PRDM16: variants seen among roughly 807,000 people sequenced by gnomAD.
The protein encoded by PRDM16 is PR/SET domain 16.
In PRDM16, 23 loss-of-function variants were observed where a neutral mutation model predicts 110.6. That is an observed-to-expected ratio of 0.21 (90% CI 0.15 to 0.29). The LOEUF is 0.29. PRDM16 is among the 10% of genes least tolerant of loss of function. The pLI, the probability that PRDM16 is intolerant of heterozygous loss-of-function variation, is 1.00. For synonymous variants in PRDM16, 799 were observed against 781.8 expected (o/e 1.02, Z -0.37); for missense variants, 1,615 against 1,794.3 (o/e 0.90, Z 1.81).
In PRDM16 at chr1:3,069,341, CCGCCGGG is replaced by C. The variant is rs1557773986; in HGVS notation, c.37+47_37+53del. 2 of 1,014,752 alleles carry C rather than the reference CCGCCGGG, an allele frequency of 2.0e-6. No homozygotes were observed. Among genetic ancestry groups the C allele is most frequent in the Non-Finnish European group, 2.4e-6 (2 of 838,620 alleles). 62.9% of individuals were successfully genotyped at this position (1,014,752 alleles called of 1,614,324 possible). A position where few individuals can be genotyped will look rare whatever the true frequency, so the allele number is the denominator to read the frequency against. On this transcript the variant is annotated intron_variant, in intron 1 of 16. Transcript: ENST00000270722. This position sits in a 1 kb window ranked among gnomAD's most constrained non-coding sequence, Gnocchi z 6.1. The stretch of plus-strand genomic sequence containing the variant: ...CCGCGCCGCGCCGCCGGGGCCCGGG[CCGCCGGG>C]CCGGGGCGCCCGGGCCAGGGGTGCG...
intron 3 of PRDM16, chr1:3,307,106 C>T (rs1641333559): frequency 6.6e-6 from 1 of 152,224 alleles, no homozygotes; most frequent in African/African-American, 2.4e-5. Context: ...GCTGTTTCTG[C>T]TTTTTGATGT....
chr1:3,242,542 C>T (rs903292713), intron 2 of PRDM16, among the ~76,000 whole-genome samples: 3 of 152,194 alleles, frequency 2.0e-5, no homozygotes, highest in Non-Finnish European at 2.9e-5. Flanking sequence ...CAGCACGCCT[C>T]GGCCCCGCAG....
chr1:3,266,925 G>A (rs759218267), intron 3 of PRDM16, among the ~76,000 whole-genome samples: 1 of 152,180 alleles, frequency 6.6e-6, no homozygotes, highest in Non-Finnish European at 1.5e-5. Flanking sequence ...TGATCCATCC[G>A]CCTCGACTTC....
chr1:3,175,574 C>T lies in PRDM16; in HGVS notation c.38-10551C>T, dbSNP rs578232151. Among the ~76,000 whole-genome samples the T allele has an allele frequency of 6.6e-6, 1 of 152,202 alleles. No individual in the cohort carries two copies. The highest frequency in any genetic ancestry group is 1.9e-4 in the East Asian group (1 of 5,176). On this transcript the variant is annotated intron_variant, in intron 1 of 16. Coordinates refer to ENST00000270722, the MANE Select transcript of PRDM16 (RefSeq NM_022114.4). This position sits in a 1 kb window ranked among gnomAD's most constrained non-coding sequence, Gnocchi z 4.8. ...ACACAGCACTCCTCCCTGCTTGGTT[C>T]TGAGAAGGAAAAGAGGAGCCAGAGG...
At chr1:3,082,999 C>T (rs555851111) in intron 1 of PRDM16, among the ~76,000 whole-genome samples, 1 of 152,318 alleles carries the variant, frequency 6.6e-6, no homozygotes, top group East Asian at 1.9e-4. Context: ...TCGAGCCCCC[C>T]TGCTGGGACA....
chr1:3,095,731 G>T (rs1240219723), intron 1 of PRDM16, among the ~76,000 whole-genome samples: 1 of 152,108 alleles, frequency 6.6e-6, no homozygotes, highest in Non-Finnish European at 1.5e-5. Flanking sequence ...TAGGATTTGA[G>T]GGGGGCAGGG....
rs1424101898 is a variant in PRDM16, at chr1:3,180,914, GCAGCCTTACACA to G, written c.38-5209_38-5198del. On this transcript the variant is annotated intron_variant, in intron 1 of 16. Transcript: ENST00000270722. ...CGGCCTCACACACGCAGTCTTACACGCAGCCTTACACACGCAGCCACACACGCAGCCTTACAC... is the reference window on the plus strand; with the variant it reads ...CGGCCTCACACACGCAGTCTTACACGCGCAGCCACACACGCAGCCTTACAC... Among the ~76,000 whole-genome samples, 211 of 141,520 alleles carry G rather than the reference GCAGCCTTACACA, an allele frequency of 1.5e-3. 1 individual carries two copies. Among genetic ancestry groups the G allele is most frequent in the African/African-American group, 5.5e-3 (208 of 38,152 alleles). 92.8% of individuals were successfully genotyped at this position (141,520 alleles called of 152,430 possible).
At chr1:3,186,681 C>G in intron 2 of PRDM16, 1 of 500,730 alleles carries the variant, frequency 2.0e-6, no homozygotes, top group Middle Eastern at 5.1e-4. Context: ...TGCCTGTCAG[C>G]CCTGTAGGCC....
intron 1 of PRDM16, among the ~76,000 whole-genome samples, chr1:3,185,149 T>C (rs1398099897): frequency 6.6e-6 from 1 of 152,152 alleles, no homozygotes; most frequent in African/African-American, 2.4e-5. Context: ...TTTCTTCCTG[T>C]CCAGACTCCT....
intron 4 of PRDM16, chr1:3,396,227 G>A: frequency 1.9e-6 from 1 of 531,594 alleles, no homozygotes; most frequent in East Asian, 4.6e-5. Context: ...CCCCAGCTGG[G>A]AACTTTCATG....
intron 3 of PRDM16, among the ~76,000 whole-genome samples, chr1:3,328,607 G>C (rs956621371): frequency 6.6e-6 from 1 of 152,132 alleles, no homozygotes; most frequent in South Asian, 2.1e-4. Context: ...CCCATCAGAG[G>C]GTACAGCTGT....
intron 2 of PRDM16, among the ~76,000 whole-genome samples, chr1:3,234,146 G>A (rs2100892866): frequency 6.6e-6 from 1 of 152,278 alleles, no homozygotes; most frequent in Middle Eastern, 3.4e-3. Flanking sequence ...CCCGGGCATG[G>A]GACTGTCGTG....
intron 1 of PRDM16, among the ~76,000 whole-genome samples, chr1:3,163,486 C>A (rs1052987340): frequency 1.3e-5 from 2 of 152,180 alleles, no homozygotes; most frequent in Non-Finnish European, 2.9e-5. Context: ...TGAGTAAGAG[C>A]GGTCAAGCAG....
intron 1 of PRDM16, among the ~76,000 whole-genome samples, chr1:3,076,106 A>C (rs1020941755): frequency 4.6e-5 from 7 of 152,188 alleles, no homozygotes; most frequent in Admixed American, 3.9e-4. Context: ...GAGGGAACCC[A>C]CCAGCCCCGC....
intron 10 of PRDM16, among the ~76,000 whole-genome samples, chr1:3,416,675 C>T (rs1011357237): frequency 1.3e-5 from 2 of 152,180 alleles, no homozygotes; most frequent in Non-Finnish European, 2.9e-5. Flanking sequence ...CTGGGAGCTC[C>T]CAGGGGAGGC....
At chr1:3,410,538 A>T (rs1193149059) in intron 8 of PRDM16, among the ~76,000 whole-genome samples, 4 of 152,168 alleles carry the variant, frequency 2.6e-5, no homozygotes, top group Admixed American at 2.0e-4. Flanking sequence ...CAGGAGCCCC[A>T]AAGTCCGGGA....
chr1:3,367,189 A>C (rs1057461168), intron 3 of PRDM16, among the ~76,000 whole-genome samples: 1 of 152,096 alleles, frequency 6.6e-6, no homozygotes, highest in African/African-American at 2.4e-5. Flanking sequence ...GAATCTCTTG[A>C]ACCCGGGAAG....
intron 3 of PRDM16, among the ~76,000 whole-genome samples, chr1:3,316,829 A>G (rs1486984121): frequency 6.6e-6 from 1 of 152,202 alleles, no homozygotes; most frequent in African/African-American, 2.4e-5. Flanking sequence ...GACAGGAAAC[A>G]GTGACACAAA....
At chr1:3,166,038 C>G (rs1643952304) in intron 1 of PRDM16, among the ~76,000 whole-genome samples, 1 of 152,186 alleles carries the variant, frequency 6.6e-6, no homozygotes, top group South Asian at 2.1e-4. Flanking sequence ...TGGGGCATGT[C>G]GGGGGCCTGG....
Sources: allele counts gnomAD v4.1 joint callset (sites outside exome capture counted in the v4.1 genomes callset), GRCh38; gene constraint gnomAD v4.1.1; non-coding constraint Gnocchi (gnomAD v3.1); transcripts MANE v1.5; gene names NCBI Gene and HGNC (gene_info 2026-07-23, HGNC 2026-07-21).